Variants in P2RY8 observed in about 807,000 individuals in gnomAD.
P2RY8 encodes the protein P2Y receptor family member 8.
In P2RY8, 6 loss-of-function variants were observed where a neutral mutation model predicts 10.0. That is an observed-to-expected ratio of 0.60 (90% CI 0.33 to 1.19). P2RY8 has a LOEUF of 1.19. P2RY8 is among the 50% of genes most tolerant of loss of function. P2RY8 has a pLI of 0.04. For synonymous variants in P2RY8, 276 were observed against 252.5 expected (o/e 1.09, Z -0.88); for missense variants, 456 against 542.0 (o/e 0.84, Z 1.58).
At position 1,463,402 on chromosome X, in the gene P2RY8, C is replaced by G. The variant is rs749394803; in HGVS notation, c.*2077G>C. 8.6e-6 allele frequency: 2 copies of G among 232,714 alleles called. No individual in the cohort carries two copies. Among genetic ancestry groups the G allele is most frequent in the African/African-American group, 4.4e-5 (2 of 45,274 alleles). 14.4% of individuals were successfully genotyped at this position (232,714 alleles called of 1,614,324 possible). Reference sequence around the variant, plus strand: ...GGATCCTTCCTGCCTCTCCCAGCTCCTGGGGGCTCCAGGTGTCCCTGGGCT... The same window carrying G: ...GGATCCTTCCTGCCTCTCCCAGCTCGTGGGGGCTCCAGGTGTCCCTGGGCT... On this transcript the variant is annotated 3_prime_UTR_variant, in exon 2 of 2. Transcript: ENST00000381297.
chrX:1,512,499 A>ATC (rs1250380068), intron 1 of P2RY8, among the ~76,000 whole-genome samples: 2 of 146,850 alleles, frequency 1.4e-5, no homozygotes. Flanking sequence ...GTGGGCTGAG[A>ATC]TCATGCCATT....
At chrX:1,528,461 G>A (rs753473751) in intron 1 of P2RY8, among the ~76,000 whole-genome samples, 1 of 152,240 alleles carries the variant, frequency 6.6e-6, no homozygotes, top group African/African-American at 2.4e-5. Context: ...TCAGCACCGT[G>A]TGAACTCAAA....
intron 1 of P2RY8, among the ~76,000 whole-genome samples, chrX:1,505,238 G>A (rs1336669534): frequency 1.3e-5 from 2 of 152,004 alleles, no homozygotes; most frequent in African/African-American, 4.8e-5. Flanking sequence ...TGTGACTGAC[G>A]TGGTACTCTG....
At chrX:1,516,299 T>C (rs1209539170) in intron 1 of P2RY8, among the ~76,000 whole-genome samples, 7 of 32,678 alleles carry the variant, frequency 2.1e-4, no homozygotes, top group African/African-American at 3.9e-4. Context: ...TCTTCACCCC[T>C]CTCCCACAAA....
At chrX:1,469,403 G>T (rs776428587) in intron 1 of P2RY8, among the ~76,000 whole-genome samples, 31 of 151,796 alleles carry the variant, frequency 2.0e-4, no homozygotes, top group Admixed American at 5.9e-4. Context: ...CTGACCTCAG[G>T]TGAGCCACCA....
chrX:1,516,987 T>C (rs2092355927), intron 1 of P2RY8, among the ~76,000 whole-genome samples: 1 of 151,520 alleles, frequency 6.6e-6, no homozygotes, highest in Non-Finnish European at 1.5e-5. Context: ...CTAAGACACC[T>C]CATAAGAAGA....
chrX:1,514,962 G>A lies in P2RY8; in HGVS notation c.-25+21959C>T, dbSNP rs185351229. ...TCTGCTGTCCTGGCTGAAGTGCGGT[G>A]ACACTACCTCAGCTCACTGTAACCT... On this transcript the variant is annotated intron_variant, in intron 1 of 1. Transcript: ENST00000381297. Among the ~76,000 whole-genome samples, 1,061 of 141,946 alleles carry A rather than the reference G, an allele frequency of 7.5e-3. 15 individuals are homozygous for A. Among genetic ancestry groups the A allele is most frequent in the East Asian group, 0.028 (131 of 4,614 alleles). 93.1% of individuals were successfully genotyped at this position (141,946 alleles called of 152,430 possible).
chrX:1,529,654 TG>T (rs2092460053), intron 1 of P2RY8, among the ~76,000 whole-genome samples: 1 of 152,130 alleles, frequency 6.6e-6, no homozygotes, highest in Non-Finnish European at 1.5e-5. Flanking sequence ...TCTCTGTTAG[TG>T]ACTATCTATC....
intron 1 of P2RY8, among the ~76,000 whole-genome samples, chrX:1,512,076 G>A (rs1204614822): frequency 6.6e-6 from 1 of 152,080 alleles, no homozygotes; most frequent in Non-Finnish European, 1.5e-5. Flanking sequence ...GGCTGGCGGG[G>A]GGGTCTCCTG....
chrX:1,486,757 A>C (rs1983623658), intron 1 of P2RY8, among the ~76,000 whole-genome samples: 1 of 152,178 alleles, frequency 6.6e-6, no homozygotes, highest in Admixed American at 6.5e-5. Flanking sequence ...TTGAAGCAGG[A>C]AGGACATTCC....
At position 1,466,644 on chromosome X, in the gene P2RY8, G is replaced by A; in HGVS notation, c.-24-62C>T. On this transcript the variant is annotated intron_variant, in intron 1 of 1. Coordinates refer to ENST00000381297, the MANE Select transcript of P2RY8 (RefSeq NM_178129.5). ...GCGCAGGTAAAGAGGCGGCTGCCGG[G>A]AGGGCTCCTGAGCGCCGCTCCCCGG... is the stretch of plus-strand genomic sequence containing the variant. 2.7e-6 allele frequency: 4 copies of A among 1,475,056 alleles called. No individual in the cohort carries two copies. The South Asian group carries it at 3.9e-5, about 14-fold the overall frequency. 91.4% of individuals were successfully genotyped at this position (1,475,056 alleles called of 1,614,324 possible).
chrX:1,514,860 C>T (rs868483825), intron 1 of P2RY8, among the ~76,000 whole-genome samples: 7 of 39,854 alleles, frequency 1.8e-4, no homozygotes, highest in African/African-American at 2.7e-4. Context: ...CCTCCCCCTC[C>T]CCCTCCCCTT....
At chrX:1,528,590 G>T (rs1382447679) in intron 1 of P2RY8, among the ~76,000 whole-genome samples, 3 of 152,238 alleles carry the variant, frequency 2.0e-5, no homozygotes, top group Admixed American at 1.3e-4. Flanking sequence ...GTGGATTTGA[G>T]TCTCTTTGAA....
At chrX:1,534,769 T>G (rs1389556872) in intron 1 of P2RY8, among the ~76,000 whole-genome samples, 1 of 152,092 alleles carries the variant, frequency 6.6e-6, no homozygotes, top group East Asian at 1.9e-4. Flanking sequence ...TATGCACCAC[T>G]GGCAACAGCT....
At chrX:1,507,012 G>A (rs1175993027) in intron 1 of P2RY8, among the ~76,000 whole-genome samples, 2 of 21,426 alleles carry the variant, frequency 9.3e-5, no homozygotes, top group East Asian at 0.019. Context: ...GGCAATGGAC[G>A]GGTCCTAGGA....
At chrX:1,501,134 T>C (rs781528354) in intron 1 of P2RY8, among the ~76,000 whole-genome samples, 175 of 152,322 alleles carry the variant, frequency 1.1e-3, no homozygotes, top group African/African-American at 4.2e-3. Flanking sequence ...CTCACAGAGC[T>C]GGCCGGAGAG....
intron 1 of P2RY8, among the ~76,000 whole-genome samples, chrX:1,478,272 T>TGTGC (rs1318193075): frequency 4.8e-5 from 5 of 103,950 alleles, no homozygotes; most frequent in African/African-American, 9.5e-5. Flanking sequence ...TGTGTGTGTG[T>TGTGC]GCCCAGCAGG....
chrX:1,483,712 C>T (rs1335882697), intron 1 of P2RY8, among the ~76,000 whole-genome samples: 33 of 151,990 alleles, frequency 2.2e-4, no homozygotes, highest in African/African-American at 7.2e-4. Context: ...GACTCAAAAA[C>T]AGGCTTCCTT....
intron 1 of P2RY8, among the ~76,000 whole-genome samples, chrX:1,519,426 T>G (rs1344188998): frequency 1.3e-5 from 2 of 151,690 alleles, no homozygotes; most frequent in Non-Finnish European, 2.9e-5. Flanking sequence ...CCCAATATTC[T>G]CTCTGATCTC....
Sources: gnomAD v4.1 joint callset for allele counts (sites outside exome capture counted in the v4.1 genomes callset) on GRCh38, gnomAD v4.1.1 for gene constraint, MANE v1.5 for transcripts, NCBI Gene and HGNC (gene_info 2026-07-23, HGNC 2026-07-21) for gene names.